MYO18B: variants seen among roughly 807,000 people sequenced by gnomAD.
The protein encoded by MYO18B is unconventional myosin-XVIIIb.
In MYO18B, 204 loss-of-function variants were observed where a neutral mutation model predicts 273.0. The observed-to-expected ratio is 0.75, with a 90% CI of 0.67 to 0.84. The LOEUF (loss-of-function observed/expected upper bound fraction) is 0.84, where lower values mean the gene tolerates loss of function less well. MYO18B is among the 40% of genes least tolerant of loss of function. The pLI, the probability that MYO18B is intolerant of heterozygous loss-of-function variation, is 0.00. For synonymous variants in MYO18B, 1,330 were observed against 1,305.7 expected, an observed-to-expected ratio of 1.02 and a Z score of -0.40; for missense variants, 3,212 against 3,287.6, an observed-to-expected ratio of 0.98 and a Z score of 0.56.
chr22:25,921,827 TG>T (rs2092350925), intron 34 of MYO18B, among the ~76,000 whole-genome samples: 3 of 76,520 alleles, frequency 3.9e-5, no homozygotes, highest in African/African-American at 8.7e-5. Flanking sequence ...TGTGTGTGTG[TG>T]TGTGTGTGTG....
intron 39 of MYO18B, among the ~76,000 whole-genome samples, chr22:25,990,096 C>T (rs1036157038): frequency 3.9e-5 from 6 of 152,220 alleles, no homozygotes; most frequent in African/African-American, 7.2e-5. Flanking sequence ...ATCAGCTTGA[C>T]CTGGCCCTTA....
intron 16 of MYO18B, 146 bp from the exon 17 acceptor site, chr22:25,835,150 T>C: frequency 2.2e-6 from 2 of 917,410 alleles, no homozygotes; most frequent in Non-Finnish European, 3.2e-6. Context: ...TCTGGGGTGA[T>C]TGGGAGCATG....
intron 8 of MYO18B, among the ~76,000 whole-genome samples, chr22:25,778,176 C>T (rs1344965662): frequency 1.3e-5 from 2 of 151,522 alleles, no homozygotes; most frequent in Admixed American, 6.6e-5. Context: ...ACAGAGGACT[C>T]GAAGAGTGAA....
intron 12 of MYO18B, among the ~76,000 whole-genome samples, chr22:25,806,113 G>C (rs1000720423): frequency 6.6e-6 from 1 of 152,172 alleles, no homozygotes; most frequent in African/African-American, 2.4e-5. Context: ...GTGCTCAATA[G>C]GTATTTACTG....
chr22:26,026,132 A>T (rs1196323206), intron 42 of MYO18B, among the ~76,000 whole-genome samples: 1 of 152,152 alleles, frequency 6.6e-6, no homozygotes, highest in Non-Finnish European at 1.5e-5. Context: ...AAGCTCTGGG[A>T]TGATAGGTCC....
At chr22:26,037,008 A>T in the MYO18B span, among the ~76,000 whole-genome samples, 3 of 152,174 alleles carry the variant, frequency 2.0e-5, no homozygotes, top group East Asian at 5.8e-4. Context: ...CTATCTCCAA[A>T]TACAGGCATT....
chr22:25,832,291 G>A (rs2089735720), intron 15 of MYO18B, among the ~76,000 whole-genome samples: 2 of 152,128 alleles, frequency 1.3e-5, no homozygotes, highest in South Asian at 4.1e-4. Context: ...GGACTCAAAC[G>A]GGTATTTGTG....
At chr22:25,872,751 C>A (rs1325838698) in intron 22 of MYO18B, among the ~76,000 whole-genome samples, 2 of 152,008 alleles carry the variant, frequency 1.3e-5, no homozygotes, top group Non-Finnish European at 1.5e-5. Context: ...AAAGTGTTTT[C>A]CCTGCATGTC....
the MYO18B span, among the ~76,000 whole-genome samples, chr22:26,048,367 C>G: frequency 3.3e-5 from 5 of 152,114 alleles, no homozygotes; most frequent in Non-Finnish European, 4.4e-5. Context: ...TTCCAAGTCC[C>G]AAGATCAAGC....
intron 1 of MYO18B, among the ~76,000 whole-genome samples, chr22:25,760,427 A>AG (rs1568976364): frequency 4.0e-5 from 6 of 150,038 alleles, no homozygotes; most frequent in African/African-American, 1.5e-4. Flanking sequence ...AAAAAAAAAA[A>AG]AAAAAAACAC....
intron 15 of MYO18B, 126 bp from the exon 16 acceptor site, chr22:25,832,790 TA>T (rs35045598): frequency 0.61 from 474,947 of 775,110 alleles, 149,344 homozygotes; most frequent in Admixed American, 0.66. Context: ...TGCCAAAATT[TA>T]AAAAAACGAT....
intron 34 of MYO18B, among the ~76,000 whole-genome samples, chr22:25,929,160 C>CAAAAAAA (rs4049336): frequency 8.2e-6 from 1 of 122,236 alleles, no homozygotes; most frequent in Non-Finnish European, 1.6e-5. Flanking sequence ...GAAACTGTCT[C>CAAAAAAA]AAAAAAAAAA....
intron 39 of MYO18B, among the ~76,000 whole-genome samples, chr22:25,959,490 G>T (rs1314772048): frequency 6.6e-6 from 1 of 151,950 alleles, no homozygotes; most frequent in Non-Finnish European, 1.5e-5. Flanking sequence ...TGACCAGGCT[G>T]GTCTTGGACT....
the MYO18B span, among the ~76,000 whole-genome samples, chr22:26,043,983 TGC>T: frequency 6.6e-6 from 1 of 152,340 alleles, no homozygotes; most frequent in South Asian, 2.1e-4. Flanking sequence ...CTCCTCCACA[TGC>T]TTAGCCTCAT....
chr22:25,884,655 T>A (rs1467710447), intron 25 of MYO18B: 2 of 152,196 alleles, frequency 1.3e-5, no homozygotes, highest in Non-Finnish European at 2.9e-5. Context: ...CTACCTGCCT[T>A]GTAACACAGA....
chr22:25,955,898 C>G (rs1165387266), intron 39 of MYO18B, among the ~76,000 whole-genome samples: 1 of 152,082 alleles, frequency 6.6e-6, no homozygotes, highest in Non-Finnish European at 1.5e-5. Context: ...AATAGCACAA[C>G]AAAAATAAAA....
chr22:25,855,827 T>C (rs2090555943), intron 21 of MYO18B, among the ~76,000 whole-genome samples: 1 of 144,054 alleles, frequency 6.9e-6, no homozygotes, highest in African/African-American at 2.6e-5. Context: ...CTTTCTTTCT[T>C]TTTTTTTTTT....
intron 1 of MYO18B, among the ~76,000 whole-genome samples, chr22:25,755,458 G>T (rs573109488): frequency 6.6e-6 from 1 of 152,032 alleles, no homozygotes; most frequent in African/African-American, 2.4e-5. Context: ...CGCCTGCCTC[G>T]GCCTCCCAAA....
intron 1 of MYO18B, among the ~76,000 whole-genome samples, chr22:25,744,595 G>A (rs532027306): frequency 1.4e-4 from 22 of 152,206 alleles, no homozygotes; most frequent in South Asian, 6.2e-4. Flanking sequence ...TTAGCCGGGC[G>A]TGGTGGTGGG....
Sources: allele counts gnomAD v4.1 joint callset (sites outside exome capture counted in the v4.1 genomes callset), GRCh38; gene constraint gnomAD v4.1.1; transcripts MANE v1.5; gene names NCBI Gene and HGNC (gene_info 2026-07-23, HGNC 2026-07-21).